The following NEGR1 variants were observed in gnomAD, a reference collection of about 807,000 sequenced individuals.
NEGR1 encodes neuronal growth regulator 1, also known as IgLON family member 4.
In NEGR1, 10 loss-of-function variants were observed where a neutral mutation model predicts 40.9. That is an observed-to-expected ratio of 0.24 (90% CI 0.15 to 0.42). The LOEUF (loss-of-function observed/expected upper bound fraction) is 0.42, where lower values mean the gene tolerates loss of function less well. Ranked by LOEUF, NEGR1 falls within the 10% of genes least tolerant of loss-of-function variation. NEGR1 has a pLI of 1.00. For missense variants in NEGR1, 352 were observed against 438.9 expected, an observed-to-expected ratio of 0.80 and a Z score of 1.77; for synonymous variants, 185 against 166.8, an observed-to-expected ratio of 1.11 and a Z score of -0.84.
intron 1 of NEGR1, among the ~76,000 whole-genome samples, chr1:71,994,854 AT>A (rs996480214): frequency 2.0e-5 from 3 of 151,878 alleles, no homozygotes; most frequent in African/African-American, 7.3e-5. Flanking sequence ...CTCATGAATA[AT>A]TTTTTTCACT....
At chr1:71,708,712 G>T (rs1653983555) in intron 3 of NEGR1, among the ~76,000 whole-genome samples, 1 of 151,884 alleles carries the variant, frequency 6.6e-6, no homozygotes, top group South Asian at 2.1e-4. Context: ...CACATATTAA[G>T]CCCAGCATCC....
intron 6 of NEGR1, among the ~76,000 whole-genome samples, chr1:71,431,604 T>C (rs1185568167): frequency 1.4e-5 from 2 of 144,106 alleles, no homozygotes; most frequent in African/African-American, 5.2e-5. Context: ...CAGATGTTTA[T>C]TAAATATAAT....
intron 3 of NEGR1, among the ~76,000 whole-genome samples, chr1:71,755,373 C>A (rs1394076896): frequency 2.6e-5 from 4 of 152,158 alleles, no homozygotes; most frequent in Admixed American, 2.6e-4. Flanking sequence ...AACTCGTTCT[C>A]TACATAGCAC....
intron 1 of NEGR1, among the ~76,000 whole-genome samples, chr1:72,223,612 T>C (rs990662933): frequency 1.3e-5 from 2 of 152,100 alleles, no homozygotes; most frequent in Non-Finnish European, 1.5e-5. Flanking sequence ...ATGCAAAAAG[T>C]TGAAATAAAA....
chr1:71,560,275 T>C (rs945604544), intron 6 of NEGR1, among the ~76,000 whole-genome samples: 1 of 150,950 alleles, frequency 6.6e-6, no homozygotes, highest in East Asian at 2.0e-4. Flanking sequence ...AGCTAATAAG[T>C]AGCTAGGAAT....
chr1:72,197,687 C>A (rs1479095466), intron 1 of NEGR1, among the ~76,000 whole-genome samples: 1 of 151,904 alleles, frequency 6.6e-6, no homozygotes, highest in East Asian at 1.9e-4. Context: ...AATAAATTCT[C>A]TTTCATATAA....
rs934869263 is a variant in NEGR1 at position 71,774,697 on chromosome 1, T to C, written c.535+1475A>G. Among the ~76,000 whole-genome samples the C allele has an allele frequency of 9.2e-4, 137 of 149,104 alleles. 2 individuals are homozygous for C. The highest frequency in any genetic ancestry group is 3.4e-3 in the African/African-American group (136 of 40,568). ...TCAGGGTATTTTCACAAAAAAAAAATATGAAACAAAATCAAATTTCATTCA... is the reference window on the plus strand; with the variant it reads ...TCAGGGTATTTTCACAAAAAAAAAACATGAAACAAAATCAAATTTCATTCA... On this transcript the variant is annotated intron_variant, in intron 3 of 6. Coordinates refer to ENST00000357731, the MANE Select transcript of NEGR1 (RefSeq NM_173808.3).
intron 2 of NEGR1, among the ~76,000 whole-genome samples, chr1:71,920,330 C>T (rs1645701163): frequency 6.6e-6 from 1 of 152,154 alleles, no homozygotes; most frequent in African/African-American, 2.4e-5. Context: ...CTTGCTGAGA[C>T]TTGAAGTAGC....
chr1:71,894,458 C>G (rs1364923744), intron 2 of NEGR1, among the ~76,000 whole-genome samples: 10 of 152,198 alleles, frequency 6.6e-5, no homozygotes, highest in African/African-American at 1.7e-4. Context: ...GCAAAAAGCA[C>G]TATAACAAAC....
intron 1 of NEGR1, among the ~76,000 whole-genome samples, chr1:72,025,181 C>T (rs148770731): frequency 6.6e-6 from 1 of 152,128 alleles, no homozygotes; most frequent in East Asian, 1.9e-4. Flanking sequence ...TATAGTATAA[C>T]GTTTACATTG....
intron 1 of NEGR1, among the ~76,000 whole-genome samples, chr1:72,009,757 C>T (rs985055473): frequency 1.2e-4 from 19 of 152,092 alleles, no homozygotes; most frequent in Admixed American, 4.6e-4. Flanking sequence ...ACAGGAGCCA[C>T]GTGTTATTCA....
At chr1:71,674,031 A>C (rs1270803831) in intron 4 of NEGR1, among the ~76,000 whole-genome samples, 1 of 152,156 alleles carries the variant, frequency 6.6e-6, no homozygotes, top group Non-Finnish European at 1.5e-5. Context: ...GTGAAAAATA[A>C]TCTCTCAACA....
chr1:72,270,056 G>A (rs956621731), intron 1 of NEGR1, among the ~76,000 whole-genome samples: 2 of 151,756 alleles, frequency 1.3e-5, no homozygotes, highest in Non-Finnish European at 2.9e-5. Flanking sequence ...ACAAGATAAT[G>A]AGAAAGGCAC....
chr1:71,942,203 G>T (rs12067782), intron 1 of NEGR1, among the ~76,000 whole-genome samples: 2,727 of 150,054 alleles, frequency 0.018, 83 homozygotes, highest in African/African-American at 0.064. Context: ...AAATATTTTG[G>T]ATACAAGATT....
chr1:71,667,089 G>T (rs1449068618), intron 4 of NEGR1, among the ~76,000 whole-genome samples: 1 of 152,182 alleles, frequency 6.6e-6, no homozygotes, highest in African/African-American at 2.4e-5. Flanking sequence ...GAGCAGGGCT[G>T]TACAGAGAAG....
chr1:71,498,982 G>T (rs1249624971), intron 6 of NEGR1, among the ~76,000 whole-genome samples: 1 of 152,160 alleles, frequency 6.6e-6, no homozygotes, highest in African/African-American at 2.4e-5. Flanking sequence ...TCCTACCAGT[G>T]AGAAATCCTC....
rs1017358558 is a variant in NEGR1, at chr1:71,536,016, A to T, written c.940+56801T>A. ...GTAGTTATTTCTTATTATTACTTATAGAAGTGAATGGAAAAATTTGCATAT... is the reference window on the plus strand; with the variant it reads ...GTAGTTATTTCTTATTATTACTTATTGAAGTGAATGGAAAAATTTGCATAT... On this transcript the variant is annotated intron_variant, in intron 6 of 6. Coordinates refer to ENST00000357731, the MANE Select transcript of NEGR1 (RefSeq NM_173808.3). Among the ~76,000 whole-genome samples the T allele has an allele frequency of 2.0e-5, 3 of 151,698 alleles. 1 individual carries two copies. The highest frequency in any genetic ancestry group is 4.4e-5 in the Non-Finnish European group (3 of 67,788).
At chr1:71,591,437 G>T (rs1649496963) in intron 6 of NEGR1, among the ~76,000 whole-genome samples, 1 of 152,060 alleles carries the variant, frequency 6.6e-6, no homozygotes, top group Non-Finnish European at 1.5e-5. Context: ...AACGTAATAT[G>T]TTATTAAGCC....
At chr1:72,258,647 C>T (rs750841037) in intron 1 of NEGR1, among the ~76,000 whole-genome samples, 4 of 152,046 alleles carry the variant, frequency 2.6e-5, no homozygotes, top group Non-Finnish European at 5.9e-5. Flanking sequence ...GAATGTAATG[C>T]ATATATACAG....
Sources: allele counts gnomAD v4.1 joint callset (sites outside exome capture counted in the v4.1 genomes callset), GRCh38; gene constraint gnomAD v4.1.1; transcripts MANE v1.5; gene names NCBI Gene and HGNC (gene_info 2026-07-23, HGNC 2026-07-21).